Variants in PCDHGA1 observed in about 807,000 individuals in gnomAD.
PCDHGA1 encodes the protein protocadherin gamma subfamily A, 1.
A neutral mutation model predicts 58.0 loss-of-function variants in PCDHGA1; 32 were observed. That is an observed-to-expected ratio of 0.55 (90% CI 0.42 to 0.74). PCDHGA1 has a LOEUF of 0.74. PCDHGA1 is among the 30% of genes least tolerant of loss of function. The pLI is 0.00. For missense variants in PCDHGA1, 1,205 were observed against 1,182.3 expected (o/e 1.02, Z -0.28); for synonymous variants, 498 against 501.1 (o/e 0.99, Z 0.08).
At chr5:141,355,940 A>T in intron 1 of PCDHGA1, 1 of 1,613,912 alleles carries the variant, frequency 6.2e-7, no homozygotes, top group East Asian at 2.2e-5. Context: ...CAGCCCGAGT[A>T]CCACGTAAGT....
intron 1 of PCDHGA1, among the ~76,000 whole-genome samples, chr5:141,454,743 G>A (rs1050167077): frequency 6.7e-6 from 1 of 149,684 alleles, no homozygotes; most frequent in African/African-American, 2.5e-5. Context: ...ATGAAAAGAG[G>A]CCAAACTAAT....
rs1418195492 is a variant in PCDHGA1 at position 141,431,459 on chromosome 5, G to T, written c.2422-63348G>T. 4 of 1,613,692 alleles carry T rather than the reference G, an allele frequency of 2.5e-6. No homozygotes were observed. The highest frequency in any genetic ancestry group is 3.4e-6 in the Non-Finnish European group (4 of 1,179,994). Reference sequence around the variant, plus strand: ...CGCGCGCATCCGCGTGATGGTTCTGGATGCGAACGACAACGCACCAGCGTT... The same window carrying T: ...CGCGCGCATCCGCGTGATGGTTCTGTATGCGAACGACAACGCACCAGCGTT... On this transcript the variant is annotated intron_variant, in intron 1 of 3. Transcript: ENST00000517417. This position sits in a 1 kb window ranked among gnomAD's most constrained non-coding sequence, Gnocchi z 4.8.
intron 1 of PCDHGA1, chr5:141,384,037 G>T (rs759701397): frequency 6.2e-7 from 1 of 1,613,004 alleles, no homozygotes; most frequent in Admixed American, 1.7e-5. Context: ...TGGAAAGAAT[G>T]GTGAGGTGAC....
chr5:141,494,901 G>C, intron 2 of PCDHGA1, 36 bp downstream of exon 2: 1 of 1,614,050 alleles, frequency 6.2e-7, no homozygotes, highest in Non-Finnish European at 8.5e-7. Context: ...CCTCTTCTCT[G>C]CGGCATTTTC....
intron 1 of PCDHGA1, among the ~76,000 whole-genome samples, chr5:141,461,126 T>C (rs575819058): frequency 6.6e-6 from 1 of 152,260 alleles, no homozygotes; most frequent in Non-Finnish European, 1.5e-5. Flanking sequence ...TTTCATATAA[T>C]TACTTATTTT....
At chr5:141,459,606 T>G (rs1430790771) in intron 1 of PCDHGA1, among the ~76,000 whole-genome samples, 1 of 152,250 alleles carries the variant, frequency 6.6e-6, no homozygotes, top group Non-Finnish European at 1.5e-5. Context: ...GGGAAGTATA[T>G]GCTTAACTTT....
At chr5:141,403,877 T>A in intron 1 of PCDHGA1, 1 of 1,613,796 alleles carries the variant, frequency 6.2e-7, no homozygotes, top group Non-Finnish European at 8.5e-7. Context: ...AAGTCTAGAT[T>A]ATGAAGAATG....
In PCDHGA1 at chr5:141,490,052, A is replaced by G. The variant is rs774710472; in HGVS notation, c.2422-4755A>G. 11 of 1,614,098 alleles carry G rather than the reference A, an allele frequency of 6.8e-6. No homozygotes were observed. The highest frequency in any genetic ancestry group is 9.3e-6 in the Non-Finnish European group (11 of 1,180,014). On this transcript the variant is annotated intron_variant, in intron 1 of 3. Transcript: ENST00000517417. The surrounding 1 kb of genome is among the most constrained non-coding windows in gnomAD (Gnocchi z 5.4). ...CGCCTCAATGCCACTGATCCAGACG[A>G]GGGCACCAACGGCCAACTAGACTAT... is the stretch of plus-strand genomic sequence containing the variant.
In PCDHGA1 at chr5:141,345,066, C is replaced by T. The variant is rs1167339735; in HGVS notation, c.2421+11961C>T. The T allele has an allele frequency of 3.1e-6, 5 of 1,613,896 alleles. No individual in the cohort carries two copies. In the Admixed American group the frequency reaches 6.7e-5, roughly 22 times the overall value. ...GGTTCTGGATGTGAATGACAATGCT[C>T]CAGAAATTACAATCACGTCTCTCAC... is the stretch of plus-strand genomic sequence containing the variant. On this transcript the variant is annotated intron_variant, in intron 1 of 3. Coordinates refer to ENST00000517417, the MANE Select transcript of PCDHGA1 (RefSeq NM_018912.3).
chr5:141,342,074 T>C (rs2149726940), intron 1 of PCDHGA1: 1 of 151,478 alleles, frequency 6.6e-6, no homozygotes, highest in Admixed American at 6.6e-5. Context: ...ATCTGCTCTA[T>C]AATAAAGCTG....
At chr5:141,417,423 C>T (rs1252792899) in intron 1 of PCDHGA1, 1 of 159,686 alleles carries the variant, frequency 6.3e-6, no homozygotes, top group African/African-American at 2.4e-5. Context: ...TATGTAAATT[C>T]AGTAAATAAA....
chr5:141,338,750 C>A (rs1430526318), intron 1 of PCDHGA1: 1 of 1,187,426 alleles, frequency 8.4e-7, no homozygotes, highest in Non-Finnish European at 1.1e-6. Flanking sequence ...TAAAAGGCAG[C>A]GAGACATCCA....
At chr5:141,383,889 G>T in intron 1 of PCDHGA1, 1 of 1,613,938 alleles carries the variant, frequency 6.2e-7, no homozygotes, top group South Asian at 1.1e-5. Context: ...GTCTGACAAA[G>T]GCAAAAGTAC....
At chr5:141,427,897 C>T (rs866283444) in intron 1 of PCDHGA1, 1 of 1,571,008 alleles carries the variant, frequency 6.4e-7, no homozygotes. Context: ...CAGGGCTCGC[C>T]CGCGCTCAGC....
chr5:141,422,398 C>T lies in PCDHGA1; in HGVS notation c.2422-72409C>T, dbSNP rs2096646163. On this transcript the variant is annotated intron_variant, in intron 1 of 3. Transcript: ENST00000517417. Reference sequence around the variant, plus strand: ...AGTCTCCTGTTTTATTCCTAACCACCTGCCTTTTAAATTAGAAAAGACTTA... The same window carrying T: ...AGTCTCCTGTTTTATTCCTAACCACTTGCCTTTTAAATTAGAAAAGACTTA... The T allele has an allele frequency of 1.9e-6, 3 of 1,597,634 alleles. No individual in the cohort carries two copies. In the Admixed American group the frequency reaches 5.3e-5, roughly 28 times the overall value.
chr5:141,500,269 C>T (rs977958449), intron 2 of PCDHGA1, among the ~76,000 whole-genome samples: 1 of 151,504 alleles, frequency 6.6e-6, no homozygotes, highest in African/African-American at 2.4e-5. Context: ...ACTGCAGTGG[C>T]GCAATCTCGG....
intron 1 of PCDHGA1, among the ~76,000 whole-genome samples, chr5:141,446,394 A>C (rs796472404): frequency 1.1e-4 from 17 of 152,344 alleles, no homozygotes; most frequent in African/African-American, 3.4e-4. Context: ...ATTTAAGAGA[A>C]ATCGAGTTGA....
At chr5:141,428,102 G>T (rs774075619) in intron 1 of PCDHGA1, 38 of 1,608,516 alleles carry the variant, frequency 2.4e-5, no homozygotes, top group Non-Finnish European at 3.2e-5. Flanking sequence ...CCTACCACGT[G>T]CTGCAGGCCA....
intron 1 of PCDHGA1, chr5:141,441,940 G>T (rs2098285664): frequency 5.9e-6 from 2 of 341,298 alleles, no homozygotes; most frequent in Non-Finnish European, 1.1e-5. Flanking sequence ...GTCCTACCAC[G>T]TGCTGCAGGC....
Sources: gnomAD v4.1 joint callset for allele counts (sites outside exome capture counted in the v4.1 genomes callset) on GRCh38, gnomAD v4.1.1 for gene constraint, Gnocchi (gnomAD v3.1) non-coding constraint, MANE v1.5 for transcripts, NCBI Gene and HGNC (gene_info 2026-07-23, HGNC 2026-07-21) for gene names.